The following ATP9B variants were observed in gnomAD, a reference collection of about 807,000 sequenced individuals.
ATP9B encodes ATPase phospholipid transporting 9B.
Under a neutral mutation model 146.1 loss-of-function variants are expected in ATP9B, and 110 were observed. The observed-to-expected ratio is 0.75, with a 90% confidence interval of 0.65 to 0.88. The LOEUF (loss-of-function observed/expected upper bound fraction) is 0.88. ATP9B is among the 40% of genes least tolerant of loss of function. The pLI is 0.00. For missense variants in ATP9B, 1,499 were observed against 1,496.4 expected (o/e 1.00, Z -0.03); for synonymous variants, 604 against 569.7 (o/e 1.06, Z -0.86).
intron 2 of ATP9B, among the ~76,000 whole-genome samples, chr18:79,108,085 G>A (rs536849953): frequency 6.6e-6 from 1 of 152,266 alleles, no homozygotes; most frequent in East Asian, 1.9e-4. Context: ...TGCTGTTGGT[G>A]GGAGGAGTTG....
chr18:79,334,822 T>G (rs528691644), intron 17 of ATP9B, among the ~76,000 whole-genome samples: 4 of 108,570 alleles, frequency 3.7e-5, no homozygotes, highest in East Asian at 2.8e-4. Context: ...ACCGGTGCCC[T>G]CCCTCCCACA....
intron 1 of ATP9B, among the ~76,000 whole-genome samples, 195 bp downstream of exon 1, chr18:79,069,724 G>A (rs774992588): frequency 8.5e-5 from 13 of 152,242 alleles, no homozygotes; most frequent in Non-Finnish European, 1.6e-4. Context: ...GCGGGCAGCT[G>A]CCGGGGCGAG....
intron 15 of ATP9B, among the ~76,000 whole-genome samples, chr18:79,319,399 A>G (rs2096702397): frequency 6.6e-6 from 1 of 151,158 alleles, no homozygotes; most frequent in Admixed American, 6.6e-5. Flanking sequence ...TGAATAGAGG[A>G]GGGGCCCCCT....
At chr18:79,306,546 A>G (rs1211271816) in intron 14 of ATP9B, among the ~76,000 whole-genome samples, 1 of 152,246 alleles carries the variant, frequency 6.6e-6, no homozygotes, top group African/African-American at 2.4e-5. Flanking sequence ...GTATTAAGGG[A>G]AGATTCTTAA....
In ATP9B at chr18:79,348,260, A is replaced by C. The variant is rs1169977411; in HGVS notation, c.2903+64A>C. ...GGACTTCTATTTTGAAAAAAAAAAA[A>C]AAAAAAAAACAAAAAACGTATATAG... On this transcript the variant is annotated intron_variant, in intron 25 of 29. Transcript: ENST00000426216. 2.2e-5 allele frequency: 30 copies of C among 1,346,238 alleles called. 2 individuals are homozygous for C. The highest frequency in any genetic ancestry group is 1.2e-4 in the South Asian group (10 of 80,376). The allele number at this position is 1,346,238 out of a possible 1,614,324, so 83.4% of individuals were successfully genotyped here.
At chr18:79,365,689 C>A (rs1177472340) in intron 26 of ATP9B, among the ~76,000 whole-genome samples, 2 of 151,618 alleles carry the variant, frequency 1.3e-5, no homozygotes, top group African/African-American at 4.9e-5. Context: ...TGGACGGGGA[C>A]AGCTCCCGCG....
At chr18:79,124,412 C>T (rs1599729014) in intron 4 of ATP9B, among the ~76,000 whole-genome samples, 1 of 152,278 alleles carries the variant, frequency 6.6e-6, no homozygotes, top group East Asian at 1.9e-4. Flanking sequence ...AGGTCTTACT[C>T]TGCTCATCAG....
intron 11 of ATP9B, among the ~76,000 whole-genome samples, chr18:79,237,646 C>T (rs1252558288): frequency 2.0e-5 from 3 of 148,918 alleles, no homozygotes; most frequent in African/African-American, 2.5e-5. Context: ...GGTTGGTATA[C>T]CTTTTGTTGG....
At chr18:79,275,106 T>A (rs2096293478) in intron 12 of ATP9B, among the ~76,000 whole-genome samples, 1 of 152,168 alleles carries the variant, frequency 6.6e-6, no homozygotes, top group African/African-American at 2.4e-5. Flanking sequence ...GACACAAATC[T>A]GAAAGAACAC....
intron 9 of ATP9B, among the ~76,000 whole-genome samples, chr18:79,199,486 G>A (rs762238312): frequency 6.6e-6 from 1 of 151,948 alleles, no homozygotes; most frequent in Non-Finnish European, 1.5e-5. Context: ...ACACAGCTGG[G>A]CGTGGTGGCT....
chr18:79,296,719 C>A (rs1379943787), intron 13 of ATP9B, among the ~76,000 whole-genome samples: 1 of 152,168 alleles, frequency 6.6e-6, no homozygotes, highest in East Asian at 1.9e-4. Flanking sequence ...GGCTCGTTAT[C>A]ATTATTCTTT....
chr18:79,180,481 C>A lies in ATP9B; in HGVS notation c.873+3574C>A, dbSNP rs115438818. ...ACAGTAGATGCCCATGGCTTCCTTC[C>A]CATCCTTTGTATTCATGTCAGCTGT... On this transcript the variant is annotated intron_variant, in intron 8 of 29. Transcript: ENST00000426216. Among the ~76,000 whole-genome samples, 559 of 152,318 alleles carry A rather than the reference C, an allele frequency of 3.7e-3. 3 individuals are homozygous for A. The highest frequency in any genetic ancestry group is 0.024 in the South Asian group (115 of 4,830).
chr18:79,327,450 CTCCCCATGGTTAGCGTGT>C (rs2096754414), intron 15 of ATP9B, among the ~76,000 whole-genome samples: 3 of 149,964 alleles, frequency 2.0e-5, no homozygotes, highest in African/African-American at 5.0e-5. Flanking sequence ...GGTTAGTGTG[CTCCCCATGGTTAGCGTGT>C]TCTCCGTGGT....
intron 9 of ATP9B, among the ~76,000 whole-genome samples, chr18:79,197,346 T>A (rs546600869): frequency 8.2e-4 from 124 of 151,618 alleles, no homozygotes; most frequent in Non-Finnish European, 1.6e-3. Context: ...TTTATAATCT[T>A]TATATATATA....
chr18:79,129,059 G>T (rs1208569632), intron 5 of ATP9B, among the ~76,000 whole-genome samples: 1 of 152,156 alleles, frequency 6.6e-6, no homozygotes, highest in Non-Finnish European at 1.5e-5. Flanking sequence ...CTGCTTGGAG[G>T]GTTGACCCTA....
At chr18:79,170,757 G>A (rs1007417781) in intron 7 of ATP9B, among the ~76,000 whole-genome samples, 6 of 152,184 alleles carry the variant, frequency 3.9e-5, no homozygotes, top group Admixed American at 1.3e-4. Context: ...TGTCAGATTA[G>A]TTCGTCTGCT....
chr18:79,180,005 A>AT (rs2095231413), intron 8 of ATP9B, among the ~76,000 whole-genome samples: 1 of 151,964 alleles, frequency 6.6e-6, no homozygotes, highest in African/African-American at 2.4e-5. Context: ...ATTTTGTTGA[A>AT]TTTGCCCTTT....
At position 79,113,276 on chromosome 18, in the gene ATP9B, C is replaced by CT. The variant is rs1221886228; in HGVS notation, c.481dup (p.Tyr161LeufsTer40). 6.3e-7 allele frequency: 1 copy of CT among 1,599,186 alleles called. No individual in the cohort carries two copies. Among genetic ancestry groups the CT allele is most frequent in the Non-Finnish European group, 8.6e-7 (1 of 1,168,998 alleles). On this transcript the variant is annotated frameshift_variant, in exon 4 of 30. Transcript: ENST00000426216. LOFTEE classifies it high-confidence loss of function. ...AACAATTCAAGTTTTTCTTGAATCTCTATTTTCTAGTAATATCCTGCTCAC... is the reference window on the plus strand; with the variant it reads ...AACAATTCAAGTTTTTCTTGAATCTCTTATTTTCTAGTAATATCCTGCTCAC...
chr18:79,364,606 C>A (rs56723703), intron 26 of ATP9B, among the ~76,000 whole-genome samples: 34,439 of 152,136 alleles, frequency 0.23, 4,516 homozygotes, highest in East Asian at 0.45. Context: ...AAGCTATAAA[C>A]CTTTCAGAAG....
Sources: gnomAD v4.1 joint callset for allele counts (sites outside exome capture counted in the v4.1 genomes callset) on GRCh38, gnomAD v4.1.1 for gene constraint, MANE v1.5 for transcripts, NCBI Gene and HGNC (gene_info 2026-07-23, HGNC 2026-07-21) for gene names.